ST6GALNAC3: variants seen among roughly 807,000 people sequenced by gnomAD.
The protein encoded by ST6GALNAC3 is alpha-N-acetylgalactosaminide alpha-2,6-sialyltransferase 3.
In ST6GALNAC3, 25 loss-of-function variants were observed where a neutral mutation model predicts 32.7. The ratio of observed to expected loss-of-function variants is 0.76; its 90% CI spans 0.56 to 1.07. The LOEUF (loss-of-function observed/expected upper bound fraction) is 1.07. Ranked by LOEUF, ST6GALNAC3 falls within the 50% of genes least tolerant of loss-of-function variation. The pLI is 0.00. For synonymous variants in ST6GALNAC3, 129 were observed against 133.1 expected (o/e 0.97, Z 0.21); for missense variants, 355 against 382.4 (o/e 0.93, Z 0.60).
intron 3 of ST6GALNAC3, among the ~76,000 whole-genome samples, chr1:76,449,183 T>A (rs775884142): frequency 6.6e-6 from 1 of 152,242 alleles, no homozygotes; most frequent in Admixed American, 6.5e-5. Flanking sequence ...TGTTAAGTTT[T>A]TTCAGTTGGC....
At position 76,634,005 on chromosome 1, in the gene ST6GALNAC3, C is replaced by A; in HGVS notation, c.*5199C>A. The A allele has an allele frequency of 4.6e-6, 1 of 215,818 alleles. No individual in the cohort carries two copies. Among genetic ancestry groups the A allele is most frequent in the Non-Finnish European group, 7.9e-6 (1 of 126,800 alleles). 13.4% of individuals were successfully genotyped at this position (215,818 alleles called of 1,614,324 possible). A position where few individuals can be genotyped will look rare whatever the true frequency, so the allele number is the denominator to read the frequency against. On this transcript the variant is annotated 3_prime_UTR_variant, in exon 5 of 5. Coordinates refer to ENST00000328299, the MANE Select transcript of ST6GALNAC3 (RefSeq NM_152996.4). ...GCATCGAATCAGAACTGTCCTTGGG[C>A]GTTGTAACAGTGCAGAAAATCTCAT...
intron 1 of ST6GALNAC3, among the ~76,000 whole-genome samples, chr1:76,088,215 C>A (rs879485341): frequency 2.0e-4 from 31 of 152,136 alleles, no homozygotes; most frequent in Non-Finnish European, 1.0e-4. Flanking sequence ...TGAACCCAGG[C>A]AGTTTGACCC....
intron 1 of ST6GALNAC3, among the ~76,000 whole-genome samples, chr1:76,129,173 G>A (rs913555203): frequency 6.6e-6 from 1 of 152,160 alleles, no homozygotes; most frequent in Non-Finnish European, 1.5e-5. Context: ...TTTTGGTATT[G>A]TGGTGTTTTA....
intron 1 of ST6GALNAC3, among the ~76,000 whole-genome samples, chr1:76,146,612 A>G (rs1650698078): frequency 1.3e-5 from 2 of 151,888 alleles, no homozygotes; most frequent in South Asian, 4.2e-4. Context: ...TCTTTTCCCA[A>G]TTTGTAGGAT....
Position 76,569,127 on chromosome 1 carries a change from G to T in ST6GALNAC3, c.624-58325G>T, listed in dbSNP as rs1372891754. ...TCCACTATTCTCTAGGGAAATGAAT[G>T]AAGGGCCATATACTGCTGTCTTTGC... On this transcript the variant is annotated intron_variant, in intron 3 of 4. Coordinates refer to ENST00000328299, the MANE Select transcript of ST6GALNAC3 (RefSeq NM_152996.4). Among the ~76,000 whole-genome samples the T allele has an allele frequency of 2.0e-5, 3 of 152,132 alleles. No individual in the cohort carries two copies. In the South Asian group the frequency reaches 6.2e-4, roughly 31 times the overall value.
At chr1:76,451,243 G>C (rs192740833) in intron 3 of ST6GALNAC3, among the ~76,000 whole-genome samples, 118 of 152,318 alleles carry the variant, frequency 7.7e-4, no homozygotes, top group African/African-American at 2.7e-3. Flanking sequence ...AAAGGAAAGA[G>C]GTTTAATGGA....
chr1:76,264,294 G>A (rs1309539466), intron 1 of ST6GALNAC3, among the ~76,000 whole-genome samples: 1 of 152,142 alleles, frequency 6.6e-6, no homozygotes, highest in African/African-American at 2.4e-5. Context: ...GAATTCATTT[G>A]TAGTAATGAA....
intron 1 of ST6GALNAC3, among the ~76,000 whole-genome samples, chr1:76,265,431 T>G (rs1339602707): frequency 6.6e-6 from 1 of 152,180 alleles, no homozygotes; most frequent in East Asian, 1.9e-4. Context: ...GCAAAAACAT[T>G]GCATTTGCTT....
chr1:76,423,741 A>G (rs1361867094), intron 3 of ST6GALNAC3, among the ~76,000 whole-genome samples: 4 of 151,966 alleles, frequency 2.6e-5, no homozygotes, highest in African/African-American at 7.2e-5. Flanking sequence ...TTCTGACGTG[A>G]ATAGGTTGTT....
chr1:76,568,087 C>T (rs1307187428), intron 3 of ST6GALNAC3, among the ~76,000 whole-genome samples: 1 of 152,162 alleles, frequency 6.6e-6, no homozygotes, highest in Non-Finnish European at 1.5e-5. Context: ...ATATTCCCAG[C>T]GCCTAGCAGA....
intron 1 of ST6GALNAC3, among the ~76,000 whole-genome samples, chr1:76,112,173 T>C (rs1489873441): frequency 2.9e-5 from 3 of 105,014 alleles, no homozygotes; most frequent in Non-Finnish European, 3.9e-5. Context: ...GGGGCTCCTC[T>C]CTTCCCAGTA....
At chr1:76,152,421 C>T (rs144681793) in intron 1 of ST6GALNAC3, among the ~76,000 whole-genome samples, 4 of 152,178 alleles carry the variant, frequency 2.6e-5, no homozygotes, top group East Asian at 1.9e-4. Flanking sequence ...ACTGCCCAGG[C>T]GGCCTTGTGC....
chr1:76,101,887 T>C (rs1647239671), intron 1 of ST6GALNAC3, among the ~76,000 whole-genome samples: 1 of 152,186 alleles, frequency 6.6e-6, no homozygotes, highest in Non-Finnish European at 1.5e-5. Flanking sequence ...TGAGATGTGT[T>C]TGATTTCATA....
chr1:76,332,458 T>C (rs1365309662), intron 2 of ST6GALNAC3, among the ~76,000 whole-genome samples: 1 of 152,178 alleles, frequency 6.6e-6, no homozygotes, highest in African/African-American at 2.4e-5. Flanking sequence ...CAGATTGAGA[T>C]AAGGTACTAA....
chr1:76,489,734 C>T (rs915919097), intron 3 of ST6GALNAC3, among the ~76,000 whole-genome samples: 1 of 152,138 alleles, frequency 6.6e-6, no homozygotes, highest in Non-Finnish European at 1.5e-5. Flanking sequence ...CCATGCTGAC[C>T]TCTTTTCTCA....
intron 3 of ST6GALNAC3, among the ~76,000 whole-genome samples, chr1:76,547,187 T>C (rs1409082545): frequency 1.3e-5 from 2 of 152,226 alleles, no homozygotes; most frequent in Non-Finnish European, 2.9e-5. Context: ...TAGTAAATAC[T>C]ATCTTATGGA....
At chr1:76,463,264 TA>T (rs1001767405) in intron 3 of ST6GALNAC3, among the ~76,000 whole-genome samples, 11 of 152,162 alleles carry the variant, frequency 7.2e-5, no homozygotes, top group African/African-American at 2.7e-4. Context: ...CCCGCTGCTT[TA>T]GGTAAATTGC....
chr1:76,174,658 C>CT (rs1233264318), intron 1 of ST6GALNAC3, among the ~76,000 whole-genome samples: 2 of 93,328 alleles, frequency 2.1e-5, no homozygotes, highest in African/African-American at 3.0e-5. Flanking sequence ...TTTTCTTTTT[C>CT]TTTTCTTTTT....
At chr1:76,396,541 A>G (rs778505775) in intron 2 of ST6GALNAC3, among the ~76,000 whole-genome samples, 3 of 152,128 alleles carry the variant, frequency 2.0e-5, no homozygotes, top group Non-Finnish European at 4.4e-5. Flanking sequence ...TTTTTCCCCT[A>G]TAAAAGCCTA....
Sources: allele counts gnomAD v4.1 joint callset (sites outside exome capture counted in the v4.1 genomes callset), GRCh38; gene constraint gnomAD v4.1.1; transcripts MANE v1.5; gene names NCBI Gene and HGNC (gene_info 2026-07-23, HGNC 2026-07-21).